PKHD1L1: variants seen among roughly 807,000 people sequenced by gnomAD.
PKHD1L1 encodes fibrocystin-L.
A neutral mutation model predicts 462.9 loss-of-function variants in PKHD1L1; 434 were observed. That is an observed-to-expected ratio of 0.94 (90% confidence interval 0.87 to 1.02). The LOEUF is 1.02. PKHD1L1 is among the 50% of genes least tolerant of loss of function. PKHD1L1 has a pLI of 0.00. For missense variants in PKHD1L1, 5,202 were observed against 5,096.1 expected (o/e 1.02, Z -0.63); for synonymous variants, 1,781 against 1,750.0 (o/e 1.02, Z -0.44).
At chr8:109,481,900 T>C (rs1818293088) in intron 56 of PKHD1L1, among the ~76,000 whole-genome samples, 1 of 151,828 alleles carries the variant, frequency 6.6e-6, no homozygotes. Flanking sequence ...CATACAGTTT[T>C]CTTTATGTAA....
intron 2 of PKHD1L1, among the ~76,000 whole-genome samples, chr8:109,369,694 T>G (rs951822891): frequency 6.6e-6 from 1 of 152,108 alleles, no homozygotes; most frequent in Non-Finnish European, 1.5e-5. Context: ...CATTCTTTAG[T>G]TGGTTGCCAG....
chr8:109,438,652 TAGTA>T (rs968959886), intron 31 of PKHD1L1, among the ~76,000 whole-genome samples, 196 bp downstream of exon 31: 8 of 152,074 alleles, frequency 5.3e-5, no homozygotes, highest in East Asian at 3.9e-4. Flanking sequence ...AGGAGAAAAA[TAGTA>T]AGTTTTTTTT....
chr8:109,457,477 TC>T (rs892156829), intron 46 of PKHD1L1, among the ~76,000 whole-genome samples: 3 of 152,158 alleles, frequency 2.0e-5, no homozygotes, highest in African/African-American at 7.2e-5. Flanking sequence ...TTAAGGAGTT[TC>T]CCACCAAATC....
intron 1 of PKHD1L1, 128 bp downstream of exon 1, chr8:109,362,781 C>A: frequency 4.0e-6 from 4 of 997,886 alleles, no homozygotes; most frequent in Non-Finnish European, 6.1e-6. Context: ...GGTTGCATGA[C>A]GATCCTGGGG....
Position 109,387,360 on chromosome 8 carries a change from C to T in PKHD1L1, c.570-1137C>T, listed in dbSNP as rs114050092. Among the ~76,000 whole-genome samples the T allele has an allele frequency of 4.2e-3, 633 of 152,280 alleles. 5 individuals are homozygous for T. The highest frequency in any genetic ancestry group is 0.015 in the African/African-American group (613 of 41,556). On this transcript the variant is annotated intron_variant, in intron 6 of 77. Transcript: ENST00000378402. ...AAATAGGGTGGTTTTACTCTAGATA[C>T]GCATACCCAGATCACTGTGTGGATT...
chr8:109,442,578 A>T (rs1397218786), intron 35 of PKHD1L1, among the ~76,000 whole-genome samples: 2 of 152,194 alleles, frequency 1.3e-5, no homozygotes, highest in Admixed American at 1.3e-4. Context: ...CTCAGTGTAA[A>T]ATGTGCCTTT....
intron 41 of PKHD1L1, among the ~76,000 whole-genome samples, chr8:109,451,390 C>T (rs971064214): frequency 6.6e-6 from 1 of 152,142 alleles, no homozygotes. Flanking sequence ...GTTTTTACCT[C>T]GTTTTATGGT....
In PKHD1L1 at chr8:109,448,237, A is replaced by C. The variant is rs550327178; in HGVS notation, c.5871A>C (p.Val1957=). 21 of 1,613,632 alleles carry C rather than the reference A, an allele frequency of 1.3e-5. No individual in the cohort carries two copies. In the African/African-American group the frequency reaches 2.4e-4, roughly 18 times the overall value. Residue 1957 remains valine, a synonymous_variant, in exon 39 of 78, where the codon GTA becomes GTC. Coordinates refer to ENST00000378402, the MANE Select transcript of PKHD1L1 (RefSeq NM_177531.6). Reference sequence around the variant, plus strand: ...TGATAAATAACATTCAGTGTAATGTAACCATGGCCAATGATAGTGTGGTGC... The same window carrying C: ...TGATAAATAACATTCAGTGTAATGTCACCATGGCCAATGATAGTGTGGTGC... ...SVMINNIQCN[V]TMANDSVVQC... is the part of the protein sequence containing the mutation.
rs199769891 is a variant in PKHD1L1 at position 109,409,941 on chromosome 8, T to G, written c.2048T>G (p.Val683Gly). ...QIANFEEGFV[V>G]KYFRDYETDF... is the part of the protein sequence containing the mutation. ...GCAAATTTTGAAGAAGGATTTGTTG[T>G]GAAATATTTCAGAGACTATGAAACT... Residue 683 changes from valine to glycine, a missense_variant, in exon 19 of 78, where the codon GTG becomes GGG. This residue lies in a region of PKHD1L1 where 4,497 missense variants were observed against 4,336.8 expected (regional missense o/e 1.04). Coordinates refer to ENST00000378402, the MANE Select transcript of PKHD1L1 (RefSeq NM_177531.6). The G allele has an allele frequency of 3.2e-4, 509 of 1,604,766 alleles. 5 individuals carry two copies. In the Admixed American group the frequency reaches 8.2e-3, roughly 26 times the overall value.
In PKHD1L1 at chr8:109,518,195, T is replaced by C. The variant is rs754032046; in HGVS notation, c.11718T>C (p.Thr3906=). Residue 3906 remains threonine (T), a synonymous_variant, in exon 73 of 78, where the codon ACT becomes ACC. Transcript: ENST00000378402. ...AATTCCTTCCTAACCTGGATTCCAC[T>C]GTCCTTGGTGAAAACTACTTTGATG... ...KDQFLPNLDS[T]VLGENYFDGT... 2 of 1,602,490 alleles carry C rather than the reference T, an allele frequency of 1.2e-6. No individual in the cohort carries two copies. The highest frequency in any genetic ancestry group is 1.7e-6 in the Non-Finnish European group (2 of 1,170,856).
intron 5 of PKHD1L1, among the ~76,000 whole-genome samples, chr8:109,384,790 T>G (rs1812347091): frequency 6.6e-6 from 1 of 152,146 alleles, no homozygotes; most frequent in South Asian, 2.1e-4. Context: ...TTTCCAACTC[T>G]TTAATTTATG....
At chr8:109,405,182 G>A (rs1465711805) in intron 16 of PKHD1L1, 52 bp downstream of exon 16, 2 of 1,136,078 alleles carry the variant, frequency 1.8e-6, no homozygotes, top group African/African-American at 1.6e-5. Context: ...TATAGATGTA[G>A]TCATAAAGTA....
chr8:109,375,502 G>A (rs552862123), intron 2 of PKHD1L1, among the ~76,000 whole-genome samples: 39 of 152,216 alleles, frequency 2.6e-4, no homozygotes, highest in South Asian at 1.0e-3. Context: ...CTCTCAACTC[G>A]TCAAAGTCAT....
At position 109,443,089 on chromosome 8, in the gene PKHD1L1, G is replaced by A; in HGVS notation, c.4537G>A (p.Gly1513Ser). The change falls in exon 36 of 78, where the codon GGT becomes AGT. Residue 1513 changes from glycine (G) to serine (S), a missense_variant. Gly to Ser is a moderately conservative substitution (Grantham distance 56). Transcript: ENST00000378402. ...ACACATTCCCTTGCACCTGTTTGTG[G>A]GTCGCTCTGAAGCCACATATGCTTA... ...TRHIPLHLFVGRSEATYAYGG... is the reference protein window; with the variant it reads ...TRHIPLHLFVSRSEATYAYGG... 6.2e-7 allele frequency: 1 copy of A among 1,613,468 alleles called. No homozygotes were observed.
chr8:109,424,787 G>A (rs1385301105), intron 23 of PKHD1L1, among the ~76,000 whole-genome samples: 1 of 152,174 alleles, frequency 6.6e-6, no homozygotes, highest in Non-Finnish European at 1.5e-5. Context: ...CTTGAACAGA[G>A]TGCCTGCTCA....
intron 56 of PKHD1L1, among the ~76,000 whole-genome samples, chr8:109,482,741 T>C (rs1053338994): frequency 7.9e-5 from 12 of 151,714 alleles, no homozygotes; most frequent in Admixed American, 2.0e-4. Context: ...TAAATATTGC[T>C]GTGGTAAGCA....
intron 60 of PKHD1L1, 69 bp downstream of exon 60, chr8:109,490,124 C>A: frequency 1.0e-6 from 1 of 962,780 alleles, no homozygotes; most frequent in Non-Finnish European, 1.5e-6. Flanking sequence ...CATTTGACTT[C>A]TAAATAGCCA....
At chr8:109,469,977 T>G (rs917657999) in intron 50 of PKHD1L1, among the ~76,000 whole-genome samples, 1 of 152,202 alleles carries the variant, frequency 6.6e-6, no homozygotes, top group Non-Finnish European at 1.5e-5. Flanking sequence ...GTTTCTTATT[T>G]AATCATCCTT....
intron 23 of PKHD1L1, among the ~76,000 whole-genome samples, chr8:109,421,426 A>G (rs1814458217): frequency 1.3e-5 from 2 of 152,194 alleles, no homozygotes; most frequent in South Asian, 4.1e-4. Context: ...TTTTAGTCTT[A>G]ATATCTTCCA....
Sources: gnomAD v4.1 joint callset for allele counts (sites outside exome capture counted in the v4.1 genomes callset) on GRCh38, gnomAD v4.1.1 for gene constraint, gnomAD v4.1.1 regional missense constraint, MANE v1.5 for transcripts, NCBI Gene and HGNC (gene_info 2026-07-23, HGNC 2026-07-21) for gene names.